Variants in SEPTIN9 observed in about 807,000 individuals in gnomAD.
SEPTIN9 encodes septin 9, also known as septin-9.
Under a neutral mutation model 56.6 loss-of-function variants are expected in SEPTIN9, and 13 were observed. The observed-to-expected ratio is 0.23, with a 90% CI of 0.15 to 0.37. The LOEUF is 0.37. Among genes scored for constraint, SEPTIN9 ranks in the 10% least tolerant of loss-of-function variants. SEPTIN9 has a pLI of 1.00. For missense variants in SEPTIN9, 650 were observed against 823.1 expected (o/e 0.79, Z 2.57); for synonymous variants, 332 against 334.1 (o/e 0.99, Z 0.07).
intron 3 of SEPTIN9, among the ~76,000 whole-genome samples, chr17:77,471,334 GGGGCA>G (rs1380684291): frequency 6.6e-6 from 1 of 152,250 alleles, no homozygotes; most frequent in African/African-American, 2.4e-5. Flanking sequence ...GCCTGGGCAT[GGGGCA>G]GCCTCTGCAG....
intron 2 of SEPTIN9, among the ~76,000 whole-genome samples, chr17:77,368,469 G>A (rs1460534649): frequency 1.3e-5 from 2 of 152,066 alleles, no homozygotes; most frequent in South Asian, 4.1e-4. Flanking sequence ...TTGCCACCAC[G>A]CCCGGCTGAT....
rs1351347901 is a variant in SEPTIN9, at chr17:77,475,998, A to G, written c.722-6146A>G. 1.5e-6 allele frequency: 2 copies of G among 1,359,488 alleles called. No homozygotes were observed. The highest frequency in any genetic ancestry group is 4.6e-5 in the East Asian group (2 of 43,414). 84.2% of individuals were successfully genotyped at this position (1,359,488 alleles called of 1,614,324 possible). A position where few individuals can be genotyped will look rare whatever the true frequency, so the allele number is the denominator to read the frequency against. ...GGGGAATGGCATTGACTTGACCCTG[A>G]GCACTTTGTCCTGGGGTGCAGGCCC... On this transcript the variant is annotated intron_variant, in intron 3 of 11. Coordinates refer to ENST00000427177, the MANE Select transcript of SEPTIN9 (RefSeq NM_001113491.2). This position sits in a 1 kb window ranked among gnomAD's most constrained non-coding sequence, Gnocchi z 4.6.
intron 3 of SEPTIN9, among the ~76,000 whole-genome samples, chr17:77,460,344 T>G (rs2038412168): frequency 1.3e-5 from 2 of 152,138 alleles, no homozygotes; most frequent in African/African-American, 4.8e-5. Context: ...CGTGCTGGGC[T>G]GGCTCCTCAC....
Position 77,437,077 on chromosome 17 carries a change from C to T in SEPTIN9, c.721+34374C>T, listed in dbSNP as rs889285919. On this transcript the variant is annotated intron_variant, in intron 3 of 11. Coordinates refer to ENST00000427177, the MANE Select transcript of SEPTIN9 (RefSeq NM_001113491.2). This position sits in a 1 kb window ranked among gnomAD's most constrained non-coding sequence, Gnocchi z 5.3. Reference sequence around the variant, plus strand: ...TCACACAGCCTAGCCAGGCCCAGGGCGCCGACCTCCTGCTCTGCCTTCCCG... The same window carrying T: ...TCACACAGCCTAGCCAGGCCCAGGGTGCCGACCTCCTGCTCTGCCTTCCCG... Among the ~76,000 whole-genome samples, 4 of 152,204 alleles carry T rather than the reference C, an allele frequency of 2.6e-5. No individual in the cohort carries two copies. The East Asian group carries it at 5.8e-4, about 22-fold the overall frequency.
At chr17:77,292,855 C>T (rs777608411) in intron 1 of SEPTIN9, among the ~76,000 whole-genome samples, 66 of 152,214 alleles carry the variant, frequency 4.3e-4, no homozygotes, top group Non-Finnish European at 7.6e-4. Flanking sequence ...GACCACTGGT[C>T]TCGCTCCACG....
chr17:77,462,398 G>A (rs547340870), intron 3 of SEPTIN9, among the ~76,000 whole-genome samples: 1 of 152,190 alleles, frequency 6.6e-6, no homozygotes, highest in South Asian at 2.1e-4. Context: ...TTAAGTCCCA[G>A]CTCAGACTCC....
In SEPTIN9 at chr17:77,421,058, C is replaced by G. The variant is rs913827992; in HGVS notation, c.721+18355C>G. Among the ~76,000 whole-genome samples, 5 of 152,094 alleles carry G rather than the reference C, an allele frequency of 3.3e-5. No individual in the cohort carries two copies. The highest frequency in any genetic ancestry group is 5.9e-5 in the Non-Finnish European group (4 of 68,006). ...TGGAGACGGGGTACTGTGCAGTGGT[C>G]GGGGTAGGGGTGGAGCTCTGCCGTC... On this transcript the variant is annotated intron_variant, in intron 3 of 11. Transcript: ENST00000427177. This position sits in a 1 kb window ranked among gnomAD's most constrained non-coding sequence, Gnocchi z 4.6.
rs1192566101 is a variant in SEPTIN9, at chr17:77,329,109, G to A, written c.76+21912G>A. Among the ~76,000 whole-genome samples, 3 of 152,188 alleles carry A rather than the reference G, an allele frequency of 2.0e-5. No homozygotes were observed. The highest frequency in any genetic ancestry group is 1.9e-4 in the East Asian group (1 of 5,192). ...GCGACAGGCAGGGCCAGGTCGTGCC[G>A]GGCCTTGGAGGCCCTGGTGAGGGCT... On this transcript the variant is annotated intron_variant, in intron 2 of 11. Coordinates refer to ENST00000427177, the MANE Select transcript of SEPTIN9 (RefSeq NM_001113491.2). The surrounding 1 kb of genome is among the most constrained non-coding windows in gnomAD (Gnocchi z 4.3).
intron 7 of SEPTIN9, among the ~76,000 whole-genome samples, chr17:77,490,145 C>T (rs562874912): frequency 1.3e-5 from 2 of 152,356 alleles, no homozygotes; most frequent in East Asian, 3.9e-4. Context: ...GCGGGCTTCT[C>T]CCCAGCCATG....
chr17:77,336,912 G>C (rs1034867051), intron 2 of SEPTIN9, among the ~76,000 whole-genome samples: 7 of 150,164 alleles, frequency 4.7e-5, no homozygotes, highest in African/African-American at 1.7e-4. Flanking sequence ...TTTAGTAAAT[G>C]CTTTTTCTGC....
rs149454793 is a variant in SEPTIN9, at chr17:77,389,634, C to CCA, written c.77-12421_77-12420dup. 9.5e-3 allele frequency among the ~76,000 whole-genome samples: 1,442 copies of CCA among 152,194 alleles called. 22 individuals are homozygous for CCA. Among genetic ancestry groups the CCA allele is most frequent in the African/African-American group, 0.033 (1,371 of 41,524 alleles). On this transcript the variant is annotated intron_variant, in intron 2 of 11. Transcript: ENST00000427177. The surrounding 1 kb of genome is among the most constrained non-coding windows in gnomAD (Gnocchi z 4.3). ...GGTCCCTCTCCTACCCCCAGGCAGG[C>CCA]CACACCTAGACCCTCCCACACAGAT...
At chr17:77,409,583 A>G (rs1205799489) in intron 3 of SEPTIN9, among the ~76,000 whole-genome samples, 2 of 152,136 alleles carry the variant, frequency 1.3e-5, no homozygotes, top group African/African-American at 2.4e-5. Flanking sequence ...GGCCCTGACC[A>G]CCCAGCCTGG....
At chr17:77,374,967 A>G (rs915899931) in intron 2 of SEPTIN9, 2 of 152,172 alleles carry the variant, frequency 1.3e-5, no homozygotes, top group African/African-American at 4.8e-5. Flanking sequence ...TTCAGGCTCT[A>G]TCCCTTTGCA....
intron 1 of SEPTIN9, among the ~76,000 whole-genome samples, chr17:77,286,908 T>G (rs1393864892): frequency 1.3e-5 from 2 of 152,166 alleles, no homozygotes; most frequent in East Asian, 3.9e-4. Flanking sequence ...AGGCGGGAAG[T>G]GACGCGCTGG....
chr17:77,468,272 A>C (rs1018032490), intron 3 of SEPTIN9, among the ~76,000 whole-genome samples: 2 of 151,988 alleles, frequency 1.3e-5, no homozygotes, highest in African/African-American at 2.4e-5. Context: ...CTCAAAAAAA[A>C]CAAAACAAAA....
Position 77,402,184 on chromosome 17 carries a change from G to C in SEPTIN9, c.202G>C (p.Val68Leu), listed in dbSNP as rs11537706. The change falls in exon 3 of 12, where the codon GTG (valine) becomes CTG (leucine). Residue 68 changes from valine (V) to leucine (L), a missense_variant. Coordinates refer to ENST00000427177, the MANE Select transcript of SEPTIN9 (RefSeq NM_001113491.2). The surrounding 1 kb of genome is among the most constrained non-coding windows in gnomAD (Gnocchi z 6.6). ...CACCCAGAAATTCCAGGACCTGGGCGTGAAGAACTCAGAACCCTCGGCCCG... is the reference window on the plus strand; with the variant it reads ...CACCCAGAAATTCCAGGACCTGGGCCTGAAGAACTCAGAACCCTCGGCCCG... ...SSTQKFQDLG[V>L]KNSEPSARHV... The C allele has an allele frequency of 1.1e-5, 17 of 1,613,696 alleles. No individual in the cohort carries two copies. The highest frequency in any genetic ancestry group is 1.4e-5 in the Non-Finnish European group (17 of 1,179,872).
intron 3 of SEPTIN9, among the ~76,000 whole-genome samples, chr17:77,455,963 G>A (rs761670697): frequency 2.6e-5 from 4 of 152,288 alleles, no homozygotes; most frequent in African/African-American, 7.2e-5. Context: ...ATTTGAACAC[G>A]ATCTCCCCCG....
rs1401367030 is a variant in SEPTIN9, at chr17:77,498,708, C to CT, written c.*50_*51insT. Reference sequence around the variant, plus strand: ...TCCTGCCCCCAAGTCATTTCCGTCCCCCCCCAGGCCCTCCCACCACCCCAT... The same window carrying CT: ...TCCTGCCCCCAAGTCATTTCCGTCCCTCCCCCAGGCCCTCCCACCACCCCAT... On this transcript the variant is annotated 3_prime_UTR_variant, in exon 12 of 12. Coordinates refer to ENST00000427177, the MANE Select transcript of SEPTIN9 (RefSeq NM_001113491.2). 6 of 1,145,194 alleles carry CT rather than the reference C, an allele frequency of 5.2e-6. No individual in the cohort carries two copies. In the African/African-American group the frequency reaches 6.2e-5, roughly 12 times the overall value. The allele number at this position is 1,145,194 out of a possible 1,614,324, so 70.9% of individuals were successfully genotyped here.
chr17:77,470,293 C>T (rs2038932471), intron 3 of SEPTIN9, among the ~76,000 whole-genome samples: 1 of 151,750 alleles, frequency 6.6e-6, no homozygotes, highest in Admixed American at 6.6e-5. Context: ...CACCCATCTA[C>T]TCACCCACCC....
Sources: allele counts gnomAD v4.1 joint callset (sites outside exome capture counted in the v4.1 genomes callset), GRCh38; gene constraint gnomAD v4.1.1; non-coding constraint Gnocchi (gnomAD v3.1); transcripts MANE v1.5; gene names NCBI Gene and HGNC (gene_info 2026-07-23, HGNC 2026-07-21).